Variants in REV3L observed in about 807,000 individuals in gnomAD.
REV3L encodes the protein REV3 like, DNA directed polymerase zeta catalytic subunit.
In REV3L, 69 loss-of-function variants were observed where a neutral mutation model predicts 299.4. The ratio of observed to expected loss-of-function variants is 0.23; its 90% CI spans 0.19 to 0.28. The LOEUF is 0.28. Ranked by LOEUF, REV3L falls within the 10% of genes least tolerant of loss-of-function variation. REV3L has a pLI of 1.00. For synonymous variants in REV3L, 1,238 were observed against 1,271.4 expected (o/e 0.97, Z 0.56); for missense variants, 3,128 against 3,693.8 (o/e 0.85, Z 3.97).
chr6:111,379,527 A>G (rs1780620517), intron 11 of REV3L, among the ~76,000 whole-genome samples: 2 of 152,212 alleles, frequency 1.3e-5, no homozygotes, highest in Admixed American at 6.5e-5. Flanking sequence ...CCACAACACC[A>G]GTGTTTGCTT....
At chr6:111,397,221 C>CT (rs1489070348) in intron 4 of REV3L, among the ~76,000 whole-genome samples, 3 of 151,024 alleles carry the variant, frequency 2.0e-5, no homozygotes, top group East Asian at 1.9e-4. Flanking sequence ...TATTTGAAAT[C>CT]TTTTTTTTGA....
At chr6:111,435,785 C>T (rs1020949860) in intron 1 of REV3L, among the ~76,000 whole-genome samples, 1 of 152,136 alleles carries the variant, frequency 6.6e-6, no homozygotes, top group Admixed American at 6.5e-5. Flanking sequence ...ACCTCAAAAG[C>T]ACAGGCAACC....
chr6:111,363,829 G>A (rs781449712), intron 16 of REV3L, 24 bp downstream of exon 16: 2 of 1,609,284 alleles, frequency 1.2e-6, no homozygotes, highest in South Asian at 1.1e-5. Flanking sequence ...CACAATGTAT[G>A]TGTCCTTACT....
At chr6:111,474,280 C>T (rs1414842522) in intron 1 of REV3L, among the ~76,000 whole-genome samples, 1 of 152,212 alleles carries the variant, frequency 6.6e-6, no homozygotes, top group Non-Finnish European at 1.5e-5. Context: ...TGGTGAGCAG[C>T]ATCCAATACA....
chr6:111,306,670 G>C (rs180960526), intron 31 of REV3L, among the ~76,000 whole-genome samples: 18 of 152,224 alleles, frequency 1.2e-4, no homozygotes, highest in Admixed American at 1.2e-3. Context: ...AAGGTGCCTA[G>C]AACAGTCTGT....
At chr6:111,426,045 T>A (rs544990474) in intron 1 of REV3L, among the ~76,000 whole-genome samples, 2 of 152,214 alleles carry the variant, frequency 1.3e-5, no homozygotes, top group Non-Finnish European at 2.9e-5. Context: ...ACCAATGAGA[T>A]GACTGGTAGC....
chr6:111,318,422 C>T (rs1460651710), intron 26 of REV3L, among the ~76,000 whole-genome samples: 1 of 151,978 alleles, frequency 6.6e-6, no homozygotes, highest in African/African-American at 2.4e-5. Flanking sequence ...GTGACCGTGC[C>T]CGGCCAGGTT....
chr6:111,470,428 C>T (rs999647109), intron 1 of REV3L, among the ~76,000 whole-genome samples: 4 of 152,202 alleles, frequency 2.6e-5, no homozygotes, highest in Non-Finnish European at 5.9e-5. Flanking sequence ...ATTAACCTCT[C>T]TATGCCTCAT....
chr6:111,364,960 T>C (rs1249143433), intron 15 of REV3L, among the ~76,000 whole-genome samples: 1 of 152,036 alleles, frequency 6.6e-6, no homozygotes, highest in Admixed American at 6.5e-5. Context: ...TCTGCTGTCA[T>C]TGGATTGTTC....
chr6:111,414,172 G>C (rs1784534519), intron 2 of REV3L, among the ~76,000 whole-genome samples: 1 of 152,028 alleles, frequency 6.6e-6, no homozygotes, highest in South Asian at 2.1e-4. Context: ...AATGGGCTGA[G>C]ATACAGAATA....
At chr6:111,461,675 C>G (rs962091477) in intron 1 of REV3L, among the ~76,000 whole-genome samples, 15 of 151,868 alleles carry the variant, frequency 9.9e-5, no homozygotes, top group African/African-American at 3.1e-4. Context: ...CTATAAGGTC[C>G]TAATACTACA....
In REV3L at chr6:111,374,519, G is replaced by C; in HGVS notation, c.3836C>G (p.Ser1279Cys). Reference sequence around the variant, plus strand: ...ATTAATTCCAGTGGGTAGGGAAGCAGAAAGGGGATGATCTACAGCAGAGCC... The same window carrying C: ...ATTAATTCCAGTGGGTAGGGAAGCACAAAGGGGATGATCTACAGCAGAGCC... The part of the protein sequence containing the change: ...LMGSAVDHPL[S>C]ASLPTGINAQ... The change falls in exon 13 of 32, where the codon TCT becomes TGT. Residue 1279 changes from serine to cysteine, a missense_variant. By Grantham distance (112) the Ser-to-Cys change is moderately radical. Transcript: ENST00000368802. The C allele has an allele frequency of 6.2e-7, 1 of 1,614,046 alleles. No homozygotes were observed. The highest frequency in any genetic ancestry group is 8.5e-7 in the Non-Finnish European group (1 of 1,179,948).
At chr6:111,359,314 C>T (rs1167958165) in intron 16 of REV3L, among the ~76,000 whole-genome samples, 1 of 151,786 alleles carries the variant, frequency 6.6e-6, no homozygotes, top group African/African-American at 2.4e-5. Context: ...ATGACTAGTC[C>T]AAGTAGTTAT....
intron 1 of REV3L, among the ~76,000 whole-genome samples, chr6:111,452,120 A>G (rs977896402): frequency 6.6e-6 from 1 of 152,184 alleles, no homozygotes; most frequent in Admixed American, 6.5e-5. Context: ...TCAGATTCTT[A>G]GACCTTAGGG....
chr6:111,392,255 A>C (rs1169433651), intron 5 of REV3L, among the ~76,000 whole-genome samples: 1 of 152,244 alleles, frequency 6.6e-6, no homozygotes, highest in Non-Finnish European at 1.5e-5. Flanking sequence ...CATTCAGAAC[A>C]GGAGGTGTTC....
At chr6:111,422,595 CACATATATATATATATACACAT>C (rs1785529416) in intron 1 of REV3L, among the ~76,000 whole-genome samples, 2 of 18,568 alleles carry the variant, frequency 1.1e-4, no homozygotes, top group Non-Finnish European at 1.4e-4. Context: ...TATATATATA[CACATATATATATATATACACAT>C]ATATATATAT....
At chr6:111,435,331 C>T (rs1343473716) in intron 1 of REV3L, among the ~76,000 whole-genome samples, 1 of 152,082 alleles carries the variant, frequency 6.6e-6, no homozygotes, top group Non-Finnish European at 1.5e-5. Flanking sequence ...TGTATGGAAC[C>T]ATAAAAGACC....
At chr6:111,403,096 C>T (rs907860370) in intron 4 of REV3L, among the ~76,000 whole-genome samples, 2 of 152,138 alleles carry the variant, frequency 1.3e-5, no homozygotes, top group Non-Finnish European at 2.9e-5. Flanking sequence ...TAAGCTACAA[C>T]ACTGATGAAC....
intron 21 of REV3L, among the ~76,000 whole-genome samples, chr6:111,341,569 T>G (rs1352610296): frequency 6.6e-6 from 1 of 152,184 alleles, no homozygotes; most frequent in Non-Finnish European, 1.5e-5. Context: ...ATTCACTCAT[T>G]TAAAAAATTA....
Sources: allele counts gnomAD v4.1 joint callset (sites outside exome capture counted in the v4.1 genomes callset), GRCh38; gene constraint gnomAD v4.1.1; transcripts MANE v1.5; gene names NCBI Gene and HGNC (gene_info 2026-07-23, HGNC 2026-07-21).